OXR1: variants seen among roughly 807,000 people sequenced by gnomAD.
OXR1 encodes the protein oxidation resistance protein 1.
Under a neutral mutation model 104.6 loss-of-function variants are expected in OXR1, and 41 were observed. That is an observed-to-expected ratio of 0.39 (90% CI 0.31 to 0.51). OXR1 has a LOEUF of 0.51. Among genes scored for constraint, OXR1 ranks in the 20% least tolerant of loss-of-function variants. The probability of loss-of-function intolerance (pLI) is 0.77; values close to 1 mark genes in which losing one functional copy is unlikely to be tolerated. For missense variants in OXR1, 955 were observed against 1,031.9 expected (o/e 0.93, Z 1.02); for synonymous variants, 348 against 348.4 (o/e 1.00, Z 0.01).
At chr8:106,351,378 G>A (rs757020846) in intron 1 of OXR1, among the ~76,000 whole-genome samples, 1 of 152,166 alleles carries the variant, frequency 6.6e-6, no homozygotes, top group Non-Finnish European at 1.5e-5. Context: ...AAAGAACATA[G>A]GGGCTGCACA....
chr8:106,447,979 C>CG, intron 2 of OXR1: 1 of 1,535,324 alleles, frequency 6.5e-7, no homozygotes, highest in East Asian at 2.4e-5. Flanking sequence ...AGATCCGCCC[C>CG]GGCTCCCACA....
intron 1 of OXR1, among the ~76,000 whole-genome samples, chr8:106,346,559 C>G (rs1457887213): frequency 5.9e-5 from 9 of 151,714 alleles, no homozygotes; most frequent in Admixed American, 5.9e-4. Flanking sequence ...GTGAAGAAAC[C>G]TAGTTTGGAT....
chr8:106,734,362 A>T (rs1392823299), intron 11 of OXR1, among the ~76,000 whole-genome samples: 2 of 152,176 alleles, frequency 1.3e-5, no homozygotes, highest in Non-Finnish European at 2.9e-5. Context: ...GAAGCTCAGA[A>T]TTATATTTCC....
chr8:106,659,533 G>A (rs2131077131), intron 3 of OXR1, among the ~76,000 whole-genome samples: 1 of 152,330 alleles, frequency 6.6e-6, no homozygotes, highest in Middle Eastern at 3.4e-3. Context: ...ATAGGAAAGG[G>A]ACTTTAAAGT....
chr8:106,606,040 T>C (rs183130130), intron 3 of OXR1, among the ~76,000 whole-genome samples: 28 of 152,290 alleles, frequency 1.8e-4, no homozygotes, highest in Non-Finnish European at 3.4e-4. Context: ...CATGCAAAAG[T>C]TAGTGGCTTA....
chr8:106,723,375 G>GT (rs1833005337), intron 11 of OXR1, among the ~76,000 whole-genome samples: 1 of 151,976 alleles, frequency 6.6e-6, no homozygotes, highest in Admixed American at 6.6e-5. Flanking sequence ...GTGGATGCCT[G>GT]TAGTCCCAGC....
At chr8:106,352,358 A>G (rs1378025187) in intron 1 of OXR1, among the ~76,000 whole-genome samples, 1 of 152,230 alleles carries the variant, frequency 6.6e-6, no homozygotes, top group African/African-American at 2.4e-5. Context: ...CAGAAAGATT[A>G]CATTTATACA....
At chr8:106,681,335 G>C (rs1449127102) in intron 4 of OXR1, among the ~76,000 whole-genome samples, 1 of 151,304 alleles carries the variant, frequency 6.6e-6, no homozygotes, top group Non-Finnish European at 1.5e-5. Context: ...AGTTTGCATA[G>C]AAGGATGTAG....
chr8:106,745,412 C>G (rs931921356), intron 15 of OXR1, among the ~76,000 whole-genome samples: 3 of 152,108 alleles, frequency 2.0e-5, no homozygotes, highest in African/African-American at 7.2e-5. Flanking sequence ...AATTAACATA[C>G]ATTTCTGTTT....
intron 3 of OXR1, among the ~76,000 whole-genome samples, chr8:106,655,259 T>C (rs1000510958): frequency 3.9e-5 from 6 of 152,162 alleles, no homozygotes; most frequent in Admixed American, 1.3e-4. Flanking sequence ...GTGAACTATA[T>C]AATTTTAACA....
In OXR1 at chr8:106,336,138, A is replaced by G. The variant is rs374487675; in HGVS notation, c.-138-23338A>G. Among the ~76,000 whole-genome samples the G allele has an allele frequency of 2.6e-5, 4 of 152,310 alleles. No homozygotes were observed. In the East Asian group the frequency reaches 5.8e-4, roughly 22 times the overall value. On this transcript the variant is annotated intron_variant, in intron 1 of 16. Transcript: ENST00000517566. ...AAATAAAAAGGCTAATTTTAATGTTAATCTCATTTTCCTGAGGCCCACTGG... is the reference window on the plus strand; with the variant it reads ...AAATAAAAAGGCTAATTTTAATGTTGATCTCATTTTCCTGAGGCCCACTGG...
At chr8:106,597,627 TCA>T (rs1586872205) in intron 3 of OXR1, among the ~76,000 whole-genome samples, 1 of 152,202 alleles carries the variant, frequency 6.6e-6, no homozygotes, top group Non-Finnish European at 1.5e-5. Flanking sequence ...AAAGTTCTTC[TCA>T]CACATTTTTA....
intron 11 of OXR1, 116 bp from the exon 12 acceptor site, chr8:106,737,404 C>T: frequency 4.8e-6 from 2 of 414,838 alleles, no homozygotes; most frequent in East Asian, 6.8e-5. Context: ...GGGAAGAAAT[C>T]CTAATTACAG....
chr8:106,445,217 T>C (rs10108067), intron 2 of OXR1, among the ~76,000 whole-genome samples: 16,659 of 152,174 alleles, frequency 0.11, 3,090 homozygotes, highest in African/African-American at 0.38. Context: ...TATAACCTCA[T>C]GGACTAGTGA....
At chr8:106,374,929 G>C (rs552551813) in intron 2 of OXR1, among the ~76,000 whole-genome samples, 2 of 152,128 alleles carry the variant, frequency 1.3e-5, no homozygotes, top group African/African-American at 4.8e-5. Flanking sequence ...ATAGACTCCC[G>C]CTGTAATTGA....
intron 2 of OXR1, among the ~76,000 whole-genome samples, chr8:106,429,175 C>T (rs558454167): frequency 6.6e-6 from 1 of 152,216 alleles, no homozygotes; most frequent in African/African-American, 2.4e-5. Flanking sequence ...CATCTGCTCA[C>T]GCTTGTTCCC....
chr8:106,401,833 G>A (rs1416108017), intron 2 of OXR1, among the ~76,000 whole-genome samples: 1 of 152,138 alleles, frequency 6.6e-6, no homozygotes, highest in Non-Finnish European at 1.5e-5. Context: ...CAGTAGGTCT[G>A]ATCAGCATAA....
intron 3 of OXR1, among the ~76,000 whole-genome samples, chr8:106,651,636 C>G (rs541930127): frequency 6.5e-4 from 99 of 152,248 alleles, no homozygotes; most frequent in Middle Eastern, 3.4e-3. Flanking sequence ...TATTCTTACG[C>G]CAGTACTACG....
rs576646503 is a variant in OXR1 at position 106,279,970 on chromosome 8, C to G, written c.-139+9603C>G. ...TTTTCCATCATTGTGTCACTGTCCT[C>G]AAGACTCAGCATTTAGAAAGGACAG... On this transcript the variant is annotated intron_variant, in intron 1 of 16. Coordinates refer to ENST00000517566, the MANE Select transcript of OXR1 (RefSeq NM_001198533.2). Among the ~76,000 whole-genome samples the G allele has an allele frequency of 3.2e-4, 49 of 152,168 alleles. No homozygotes were observed. In the South Asian group the frequency reaches 9.8e-3, roughly 30 times the overall value.
Sources: gnomAD v4.1 joint callset for allele counts (sites outside exome capture counted in the v4.1 genomes callset) on GRCh38, gnomAD v4.1.1 for gene constraint, MANE v1.5 for transcripts, NCBI Gene and HGNC (gene_info 2026-07-23, HGNC 2026-07-21) for gene names.